The following ACOT12 variants were observed in gnomAD, a reference collection of about 807,000 sequenced individuals.
The protein encoded by ACOT12 is acyl-CoA thioesterase 12.
Under a neutral mutation model 67.7 loss-of-function variants are expected in ACOT12, and 51 were observed. The observed-to-expected ratio is 0.75, with a 90% confidence interval of 0.60 to 0.95. ACOT12 has a LOEUF of 0.95. Ranked by LOEUF, ACOT12 falls within the 40% of genes least tolerant of loss-of-function variation. The probability of loss-of-function intolerance (pLI) is 0.00; values close to 1 mark genes in which losing one functional copy is unlikely to be tolerated. For missense variants in ACOT12, 734 were observed against 708.1 expected, an observed-to-expected ratio of 1.04 and a Z score of -0.41; for synonymous variants, 251 against 244.6, an observed-to-expected ratio of 1.03 and a Z score of -0.24.
intron 3 of ACOT12, among the ~76,000 whole-genome samples, chr5:81,366,351 A>G (rs1760077519): frequency 6.6e-6 from 1 of 152,238 alleles, no homozygotes; most frequent in African/African-American, 2.4e-5. Context: ...TATTAGGTGA[A>G]AGGTAATATA....
At chr5:81,390,436 T>C (rs1243498762) in intron 1 of ACOT12, among the ~76,000 whole-genome samples, 2 of 151,520 alleles carry the variant, frequency 1.3e-5, no homozygotes, top group African/African-American at 2.4e-5. Context: ...CCATTTGGCT[T>C]TTAAAAAATA....
At chr5:81,389,358 G>T (rs1195162635) in intron 1 of ACOT12, among the ~76,000 whole-genome samples, 3 of 152,130 alleles carry the variant, frequency 2.0e-5, no homozygotes, top group Non-Finnish European at 4.4e-5. Flanking sequence ...TATTCTTCAA[G>T]ATATTGTTGC....
rs1234548581 is a variant in ACOT12 at position 81,363,890 on chromosome 5, C to A, written c.259-1G>T. ...CCTGTACCATGACCTTGATACTGAT[C>A]TAAAATGAAAAAAAGATAAATAAAT... On this transcript the variant is annotated splice_acceptor_variant, in intron 3 of 14. Transcript: ENST00000307624. LOFTEE classifies it high-confidence loss of function. 1.9e-6 allele frequency: 3 copies of A among 1,556,788 alleles called. No homozygotes were observed. Among genetic ancestry groups the A allele is most frequent in the South Asian group, 1.2e-5 (1 of 81,282 alleles).
chr5:81,375,045 T>C (rs185760833), intron 2 of ACOT12, among the ~76,000 whole-genome samples: 252 of 152,258 alleles, frequency 1.7e-3, no homozygotes, highest in African/African-American at 5.8e-3. Flanking sequence ...ATTGTCAGAT[T>C]CACCAAGGTT....
chr5:81,323,367 C>G, the ACOT12 span, among the ~76,000 whole-genome samples: 1 of 152,208 alleles, frequency 6.6e-6, no homozygotes, highest in Non-Finnish European at 1.5e-5. Flanking sequence ...TTCGGCTGAT[C>G]TAAGCTGGAC....
At chr5:81,335,692 G>A (rs6452399) in intron 12 of ACOT12, 76 bp downstream of exon 12, 537,020 of 1,480,798 alleles carry the variant, frequency 0.36, 102,150 homozygotes, top group African/African-American at 0.48. Context: ...GGACGATGGA[G>A]ATGGACTTCA....
the ACOT12 span, among the ~76,000 whole-genome samples, chr5:81,322,859 A>G: frequency 6.6e-6 from 1 of 152,120 alleles, no homozygotes; most frequent in Non-Finnish European, 1.5e-5. Context: ...AGATCTCGTG[A>G]GACTCACTCA....
intron 4 of ACOT12, 32 bp from the exon 5 acceptor site, chr5:81,360,070 C>G (rs1158587033): frequency 6.3e-7 from 1 of 1,578,112 alleles, no homozygotes; most frequent in Admixed American, 2.0e-5. Context: ...TCTTTTATTG[C>G]CTTGTTAAAT....
intron 5 of ACOT12, among the ~76,000 whole-genome samples, chr5:81,351,834 A>T (rs146003762): frequency 1.3e-5 from 2 of 152,346 alleles, no homozygotes; most frequent in Admixed American, 1.3e-4. Flanking sequence ...AGAATGGGAG[A>T]AAATATTTGA....
chr5:81,316,528 C>A, the ACOT12 span, among the ~76,000 whole-genome samples: 98 of 152,080 alleles, frequency 6.4e-4, no homozygotes, highest in Non-Finnish European at 1.1e-3. Context: ...GGGTGTTTGC[C>A]ACTTTTTGGT....
intron 5 of ACOT12, among the ~76,000 whole-genome samples, chr5:81,356,559 G>T (rs939477957): frequency 6.6e-6 from 1 of 151,964 alleles, no homozygotes; most frequent in African/African-American, 2.4e-5. Context: ...CTTCCTTTTG[G>T]ATGTCCACAG....
intron 7 of ACOT12, among the ~76,000 whole-genome samples, chr5:81,345,563 G>A (rs1383039777): frequency 6.6e-6 from 1 of 152,042 alleles, no homozygotes; most frequent in Non-Finnish European, 1.5e-5. Flanking sequence ...TCCATTATGA[G>A]TTGATTGACC....
At chr5:81,314,633 A>G in the ACOT12 span, among the ~76,000 whole-genome samples, 5 of 152,220 alleles carry the variant, frequency 3.3e-5, no homozygotes, top group South Asian at 1.0e-3. Flanking sequence ...CATTCATCTT[A>G]TATATTTCCC....
chr5:81,309,853 G>A, the ACOT12 span, among the ~76,000 whole-genome samples: 2 of 152,142 alleles, frequency 1.3e-5, no homozygotes, highest in Non-Finnish European at 2.9e-5. Context: ...AAATCAGAAT[G>A]TATCTTACCG....
chr5:81,385,698 C>T (rs1409380461), intron 2 of ACOT12, 59 bp downstream of exon 2: 1 of 1,520,452 alleles, frequency 6.6e-7, no homozygotes, highest in Admixed American at 1.7e-5. Flanking sequence ...GCCACCAATA[C>T]ATGTCCCAGA....
At chr5:81,312,449 A>G in the ACOT12 span, 134 of 929,836 alleles carry the variant, frequency 1.4e-4, no homozygotes, top group Middle Eastern at 1.5e-3. Context: ...GATTATTCAT[A>G]TCAAAATGAG....
intron 13 of ACOT12, 29 bp from the exon 14 acceptor site, chr5:81,330,969 T>G: frequency 2.6e-6 from 4 of 1,561,010 alleles, no homozygotes; most frequent in Non-Finnish European, 3.5e-6. Flanking sequence ...TAAGCTCTTG[T>G]GAGAAATAAA....
chr5:81,346,057 C>G, intron 6 of ACOT12, 53 bp from the exon 7 acceptor site: 1 of 1,596,894 alleles, frequency 6.3e-7, no homozygotes, highest in Admixed American at 1.8e-5. Context: ...ATTCATTCAT[C>G]GAACAAATGC....
the ACOT12 span, among the ~76,000 whole-genome samples, chr5:81,322,721 A>G: frequency 5.3e-5 from 8 of 152,310 alleles, no homozygotes; most frequent in African/African-American, 1.9e-4. Context: ...ACAGTTCTGC[A>G]TAGCTGAGAA....
Sources: allele counts gnomAD v4.1 joint callset (sites outside exome capture counted in the v4.1 genomes callset), GRCh38; gene constraint gnomAD v4.1.1; transcripts MANE v1.5; gene names NCBI Gene and HGNC (gene_info 2026-07-23, HGNC 2026-07-21).